Variants in PPP3CC observed in about 807,000 individuals in gnomAD.
The protein encoded by PPP3CC is serine/threonine-protein phosphatase 2B catalytic subunit gamma isoform.
PPP3CC carries 35 observed loss-of-function variants against 60.3 expected under a neutral mutation model. The observed-to-expected ratio is 0.58, with a 90% CI of 0.44 to 0.77. The LOEUF (loss-of-function observed/expected upper bound fraction) is 0.77. Ranked by LOEUF, PPP3CC falls within the 30% of genes least tolerant of loss-of-function variation. PPP3CC has a pLI of 0.00. For missense variants in PPP3CC, 570 were observed against 628.9 expected (o/e 0.91, Z 1.00); for synonymous variants, 206 against 224.3 (o/e 0.92, Z 0.73).
chr8:22,539,490 C>T lies in PPP3CC; in HGVS notation c.1343C>T (p.Ala448Val). 8 of 1,613,938 alleles carry T rather than the reference C, an allele frequency of 5.0e-6. No individual in the cohort carries two copies. Among genetic ancestry groups the T allele is most frequent in the Non-Finnish European group, 6.8e-6 (8 of 1,179,960 alleles). The change falls in exon 13 of 14, where the codon GCC (alanine) becomes GTC (valine). Residue 448 changes from alanine to valine, a missense_variant. Ala to Val is a moderately conservative substitution (Grantham distance 64). Transcript: ENST00000240139. ...ACAGCCACAGTAGAAGCGGTAGAGGCCCGGGAAGGTATGGCCATATTACTC... is the reference window on the plus strand; with the variant it reads ...ACAGCCACAGTAGAAGCGGTAGAGGTCCGGGAAGGTATGGCCATATTACTC... ...IETATVEAVE[A>V]REAIRGFSLQ...
At chr8:22,516,870 T>C (rs56116521) in intron 6 of PPP3CC, among the ~76,000 whole-genome samples, 1,569 of 152,324 alleles carry the variant, frequency 0.01, 19 homozygotes, top group Middle Eastern at 0.02. Flanking sequence ...GAGTGTTAGA[T>C]ATAAGCTTTG....
chr8:22,536,521 G>C (rs907408475), intron 12 of PPP3CC, among the ~76,000 whole-genome samples: 1 of 152,196 alleles, frequency 6.6e-6, no homozygotes, highest in Non-Finnish European at 1.5e-5. Flanking sequence ...TCTAATTCTT[G>C]GTCACCTTTT....
At chr8:22,490,789 T>C (rs1338691602) in intron 3 of PPP3CC, among the ~76,000 whole-genome samples, 1 of 152,210 alleles carries the variant, frequency 6.6e-6, no homozygotes, top group Non-Finnish European at 1.5e-5. Context: ...GAACTCATTA[T>C]TTTTTATGGC....
intron 1 of PPP3CC, among the ~76,000 whole-genome samples, chr8:22,472,609 A>T (rs945324119): frequency 2.6e-5 from 4 of 152,092 alleles, no homozygotes; most frequent in African/African-American, 7.2e-5. Context: ...AAATTTGCCC[A>T]TGGTGTTTTG....
At chr8:22,524,145 T>C (rs550892636) in intron 8 of PPP3CC, among the ~76,000 whole-genome samples, 2 of 152,356 alleles carry the variant, frequency 1.3e-5, no homozygotes, top group African/African-American at 2.4e-5. Flanking sequence ...TTTACTGTTA[T>C]TGTACCTGAT....
chr8:22,516,897 G>T (rs1839260210), intron 6 of PPP3CC, among the ~76,000 whole-genome samples: 1 of 152,064 alleles, frequency 6.6e-6, no homozygotes, highest in Admixed American at 6.6e-5. Flanking sequence ...CATGAGTTAT[G>T]GTGGTTTTGG....
intron 3 of PPP3CC, among the ~76,000 whole-genome samples, chr8:22,488,501 T>G (rs1314324462): frequency 6.6e-6 from 1 of 152,200 alleles, no homozygotes; most frequent in Non-Finnish European, 1.5e-5. Flanking sequence ...GCTTCAGGGA[T>G]ACAAAATACC....
In PPP3CC at chr8:22,491,118, T is replaced by A. The variant is rs1019135009; in HGVS notation, c.373-6883T>A. 3.9e-5 allele frequency among the ~76,000 whole-genome samples: 6 copies of A among 152,336 alleles called. No homozygotes were observed. The South Asian group carries it at 6.2e-4, about 16-fold the overall frequency. On this transcript the variant is annotated intron_variant, in intron 3 of 13. Transcript: ENST00000240139. Reference sequence around the variant, plus strand: ...ACACCTAGTTTACCTCCAGTTTCTTTCTAACATGAACACTGCTATGATGAA... The same window carrying A: ...ACACCTAGTTTACCTCCAGTTTCTTACTAACATGAACACTGCTATGATGAA...
intron 1 of PPP3CC, among the ~76,000 whole-genome samples, chr8:22,453,868 G>T (rs1048043534): frequency 2.0e-5 from 3 of 152,072 alleles, no homozygotes; most frequent in Non-Finnish European, 4.4e-5. Flanking sequence ...GATAAAAAAT[G>T]GTCCACCTGT....
chr8:22,538,916 A>G (rs552435289), intron 12 of PPP3CC, among the ~76,000 whole-genome samples: 3 of 152,302 alleles, frequency 2.0e-5, no homozygotes, highest in South Asian at 2.1e-4. Flanking sequence ...TGGACAAGAA[A>G]TAACCCTTCA....
rs1839713639 is a variant in PPP3CC at position 22,531,436 on chromosome 8, TC to T, written c.1142-787del. The T allele has an allele frequency of 2.7e-6, 3 of 1,120,282 alleles. No homozygotes were observed. In the East Asian group the frequency reaches 7.7e-5, roughly 29 times the overall value. 69.4% of individuals were successfully genotyped at this position (1,120,282 alleles called of 1,614,324 possible). On this transcript the variant is annotated intron_variant, in intron 10 of 13. Transcript: ENST00000240139. Reference sequence around the variant, plus strand: ...TGAATAATTTCAGAAAGGCTCTCCATCCGCCCCTTCAGTTTTAATGTATATG... The same window carrying T: ...TGAATAATTTCAGAAAGGCTCTCCATCGCCCCTTCAGTTTTAATGTATATG...
chr8:22,476,020 C>T (rs1837878374), intron 3 of PPP3CC, among the ~76,000 whole-genome samples: 1 of 152,078 alleles, frequency 6.6e-6, no homozygotes, highest in Non-Finnish European at 1.5e-5. Context: ...ACTGCCAGTG[C>T]TAAATAAACA....
chr8:22,474,895 G>A, intron 1 of PPP3CC, 59 bp from the exon 2 acceptor site: 1 of 1,119,320 alleles, frequency 8.9e-7, no homozygotes, highest in Non-Finnish European at 1.2e-6. Context: ...AAAGAATTGT[G>A]TTCTGTTTGT....
chr8:22,492,964 T>C, intron 3 of PPP3CC: 3 of 1,262,622 alleles, frequency 2.4e-6, no homozygotes, highest in Non-Finnish European at 3.5e-6. Context: ...TTAAGGAGAC[T>C]GGCTGAAGCT....
chr8:22,466,371 C>T (rs1837522664), intron 1 of PPP3CC, among the ~76,000 whole-genome samples: 1 of 152,146 alleles, frequency 6.6e-6, no homozygotes, highest in African/African-American at 2.4e-5. Context: ...ATTGCTGGGT[C>T]AAATGGTATT....
intron 1 of PPP3CC, among the ~76,000 whole-genome samples, chr8:22,462,084 T>A (rs937271987): frequency 2.0e-5 from 3 of 151,984 alleles, no homozygotes; most frequent in African/African-American, 7.3e-5. Flanking sequence ...AAAATTTTTT[T>A]AAAATTAAAA....
intron 1 of PPP3CC, among the ~76,000 whole-genome samples, chr8:22,448,640 A>G (rs1836912457): frequency 6.6e-6 from 1 of 152,114 alleles, no homozygotes; most frequent in Non-Finnish European, 1.5e-5. Flanking sequence ...CCGCCTCCCA[A>G]AGTGCTGGGA....
intron 3 of PPP3CC, chr8:22,492,826 A>C: frequency 1.0e-6 from 1 of 988,276 alleles, no homozygotes; most frequent in East Asian, 2.4e-5. Flanking sequence ...ACCAAGGAAC[A>C]GTGATCCACT....
intron 5 of PPP3CC, 56 bp from the exon 6 acceptor site, chr8:22,513,237 C>G (rs1204325864): frequency 1.9e-5 from 29 of 1,553,312 alleles, no homozygotes; most frequent in African/African-American, 4.1e-5. Context: ...ATACTAGTTT[C>G]CAAGAAGCCT....
Sources: allele counts gnomAD v4.1 joint callset (sites outside exome capture counted in the v4.1 genomes callset), GRCh38; gene constraint gnomAD v4.1.1; transcripts MANE v1.5; gene names NCBI Gene and HGNC (gene_info 2026-07-23, HGNC 2026-07-21).